SNRPN: variants seen among roughly 807,000 people sequenced by gnomAD.
SNRPN encodes small nuclear ribonucleoprotein-associated protein N.
Under a neutral mutation model 25.2 loss-of-function variants are expected in SNRPN, and 7 were observed. The ratio of observed to expected loss-of-function variants is 0.28; its 90% CI spans 0.16 to 0.52. SNRPN has a LOEUF of 0.52. Among genes scored for constraint, SNRPN ranks in the 20% least tolerant of loss-of-function variants. SNRPN has a pLI of 0.96. For missense variants in SNRPN, 196 were observed against 322.5 expected (o/e 0.61, Z 3.00); for synonymous variants, 124 against 110.6 (o/e 1.12, Z -0.76).
upstream of SNRPN, among the ~76,000 whole-genome samples, chr15:24,852,491 A>G (rs2052953398): frequency 6.6e-6 from 1 of 152,246 alleles, no homozygotes; most frequent in Admixed American, 6.5e-5. Context: ...TACCAGTCAG[A>G]TATCTTGTGG....
chr15:24,834,867 A>C (rs1448935447), intron 2 of SNRPN, among the ~76,000 whole-genome samples: 4 of 138,134 alleles, frequency 2.9e-5, no homozygotes, highest in East Asian at 4.1e-4. Flanking sequence ...TGGAGGTTAA[A>C]GTGAGCTGAG....
At chr15:24,942,358 C>G (rs2061606259) in intron 3 of SNRPN, 1 of 152,160 alleles carries the variant, frequency 6.6e-6, no homozygotes, top group African/African-American at 2.4e-5. Flanking sequence ...AAGCCTTACC[C>G]CAGTCCTGTA....
At chr15:24,889,300 T>C in intron 2 of SNRPN, among the ~76,000 whole-genome samples, 1 of 151,912 alleles carries the variant, frequency 6.6e-6, no homozygotes, top group Non-Finnish European at 1.5e-5. Flanking sequence ...GTAATATTAA[T>C]TTTTTTATTT....
intron 3 of SNRPN, among the ~76,000 whole-genome samples, chr15:24,920,713 C>T (rs1479841822): frequency 6.6e-6 from 1 of 152,014 alleles, no homozygotes; most frequent in Non-Finnish European, 1.5e-5. Context: ...GGGCAGCGGG[C>T]GTGTATAGAG....
At chr15:24,954,311 A>G (rs532345409), upstream of SNRPN, among the ~76,000 whole-genome samples, 60 of 152,338 alleles carry the variant, frequency 3.9e-4, 2 homozygotes, top group South Asian at 9.7e-3. Flanking sequence ...TCTCCTACTT[A>G]GATCTTAGGT....
At chr15:24,967,773 A>C (rs1385726262) in intron 2 of SNRPN, among the ~76,000 whole-genome samples, 159 bp from the exon 3 acceptor site, 1 of 145,928 alleles carries the variant, frequency 6.9e-6, no homozygotes, top group Admixed American at 7.3e-5. Flanking sequence ...GCTTCATTGC[A>C]CTCCAGCCTG....
intron 1 of SNRPN, among the ~76,000 whole-genome samples, chr15:24,869,615 G>C (rs765842486): frequency 6.6e-5 from 10 of 152,084 alleles, no homozygotes; most frequent in Admixed American, 5.2e-4. Context: ...GTTGGGTTTG[G>C]GGAAGGAAGA....
intron 2 of SNRPN, among the ~76,000 whole-genome samples, chr15:24,839,287 G>A (rs1002921208): frequency 6.6e-6 from 1 of 152,046 alleles, no homozygotes; most frequent in South Asian, 2.1e-4. Flanking sequence ...TTCCATGAGA[G>A]CATGGCCATT....
chr15:24,958,465 C>A (rs1254972312), intron 1 of SNRPN, among the ~76,000 whole-genome samples: 3 of 93,398 alleles, frequency 3.2e-5, no homozygotes, highest in East Asian at 5.9e-4. Context: ...CTCTCCATTT[C>A]TGGATGCTAG....
intron 1 of SNRPN, among the ~76,000 whole-genome samples, chr15:24,864,862 T>C (rs2054416361): frequency 2.0e-5 from 3 of 152,166 alleles, no homozygotes; most frequent in African/African-American, 7.2e-5. Flanking sequence ...GTGCCTTTTA[T>C]TGATTTCTAT....
chr15:24,861,871 T>A (rs192103280), intron 1 of SNRPN, among the ~76,000 whole-genome samples: 1 of 152,322 alleles, frequency 6.6e-6, no homozygotes, highest in East Asian at 1.9e-4. Context: ...TCAATAGATA[T>A]CTTGAAATTG....
chr15:24,919,695 G>C (rs1343681968), intron 2 of SNRPN, among the ~76,000 whole-genome samples: 2 of 152,088 alleles, frequency 1.3e-5, no homozygotes, highest in Non-Finnish European at 2.9e-5. Flanking sequence ...CATCACTTGG[G>C]GGATGGTGCA....
chr15:24,873,648 C>T (rs1044685052), intron 1 of SNRPN, among the ~76,000 whole-genome samples: 2 of 151,922 alleles, frequency 1.3e-5, no homozygotes, highest in African/African-American at 2.4e-5. Flanking sequence ...GGGGTTTCAC[C>T]GTGTTAGCCA....
At chr15:24,828,900 G>A (rs572154509) in intron 1 of SNRPN, among the ~76,000 whole-genome samples, 2 of 152,202 alleles carry the variant, frequency 1.3e-5, no homozygotes, top group South Asian at 2.1e-4. Context: ...GCCCAGGGGA[G>A]GGGCTAAGCA....
At chr15:24,932,881 T>G (rs2060967110) in intron 3 of SNRPN, among the ~76,000 whole-genome samples, 1 of 152,166 alleles carries the variant, frequency 6.6e-6, no homozygotes, top group African/African-American at 2.4e-5. Flanking sequence ...ACTCCTGACC[T>G]CAGGTGACCC....
intron 2 of SNRPN, among the ~76,000 whole-genome samples, chr15:24,894,412 C>A (rs900779026): frequency 6.6e-6 from 1 of 152,024 alleles, no homozygotes; most frequent in East Asian, 1.9e-4. Flanking sequence ...TAGAGACGGG[C>A]TTTCACCATG....
chr15:24,971,621 T>A (rs965151734), intron 3 of SNRPN, among the ~76,000 whole-genome samples: 2 of 152,122 alleles, frequency 1.3e-5, no homozygotes, highest in African/African-American at 4.8e-5. Context: ...CATCCCTAGA[T>A]GTGTTTCATA....
rs531098552 is a variant in SNRPN at position 24,881,093 on chromosome 15, C to A, written c.-578-5423C>A. On this transcript the variant is annotated intron_variant, in intron 1 of 11. Transcript: ENST00000400097. ...AAAAAAAAATTGAGCCTCCACAGGGCAAGTCCTCTGCTGTGCATGGAAGAT... is the reference window on the plus strand; with the variant it reads ...AAAAAAAAATTGAGCCTCCACAGGGAAAGTCCTCTGCTGTGCATGGAAGAT... 3.9e-5 allele frequency among the ~76,000 whole-genome samples: 6 copies of A among 152,262 alleles called. No homozygotes were observed. The South Asian group carries it at 1.2e-3, about 32-fold the overall frequency.
chr15:24,830,557 T>C (rs2050433627), intron 2 of SNRPN, among the ~76,000 whole-genome samples: 1 of 152,084 alleles, frequency 6.6e-6, no homozygotes, highest in Admixed American at 6.5e-5. Flanking sequence ...TTTTCTAATA[T>C]ATACACACTC....
Sources: gnomAD v4.1 joint callset for allele counts (sites outside exome capture counted in the v4.1 genomes callset) on GRCh38, gnomAD v4.1.1 for gene constraint, MANE v1.5 for transcripts, NCBI Gene and HGNC (gene_info 2026-07-23, HGNC 2026-07-21) for gene names.